PRKX: variants seen among roughly 807,000 people sequenced by gnomAD.
PRKX encodes the protein protein kinase cAMP-dependent X-linked catalytic subunit.
PRKX carries 12 observed loss-of-function variants against 22.0 expected under a neutral mutation model. The ratio of observed to expected loss-of-function variants is 0.54; its 90% CI spans 0.35 to 0.88. The LOEUF is 0.88. Ranked by LOEUF, PRKX falls within the 40% of genes least tolerant of loss-of-function variation. PRKX has a pLI of 0.01. For synonymous variants in PRKX, 134 were observed against 137.7 expected (o/e 0.97, Z 0.19); for missense variants, 217 against 308.0 (o/e 0.70, Z 2.21).
Position 3,713,575 on chromosome X carries a change from T to G in PRKX, c.-322A>C. ...GGGGGCGAGGCGGGGGCCCTGCGCA[T>G]TCCGGGTCTCGCGCCCGCCGCCTCC... On this transcript the variant is annotated 5_prime_UTR_variant, in exon 1 of 9. The change abolishes an upstream ATG in the 5' untranslated region. Coordinates refer to ENST00000262848, the MANE Select transcript of PRKX (RefSeq NM_005044.5). 21 of 156,665 alleles carry G rather than the reference T, an allele frequency of 1.3e-4. No individual in the cohort carries two copies. Among genetic ancestry groups the G allele is most frequent in the East Asian group, 5.6e-4 (4 of 7,202 alleles). The allele number at this position is 156,665 out of a possible 1,213,427, so 12.9% of individuals were successfully genotyped here. A position where few individuals can be genotyped will look rare whatever the true frequency, so the allele number is the denominator to read the frequency against.
intron 2 of PRKX, among the ~76,000 whole-genome samples, chrX:3,667,045 A>G (rs1392411396): frequency 9.0e-6 from 1 of 111,438 alleles, no homozygotes; most frequent in Non-Finnish European, 1.9e-5. Context: ...GAACGGGGGG[A>G]AAGTCAACAT....
intron 4 of PRKX, among the ~76,000 whole-genome samples, chrX:3,638,661 A>G (rs1926947831): frequency 8.9e-6 from 1 of 111,790 alleles, no homozygotes; most frequent in African/African-American, 3.3e-5. Flanking sequence ...CAAAAGACCA[A>G]CAGGCCGGTA....
chrX:3,610,431 G>A (rs1285589686), intron 8 of PRKX, among the ~76,000 whole-genome samples: 1 of 111,195 alleles, frequency 9.0e-6, no homozygotes, highest in Non-Finnish European at 1.9e-5. Flanking sequence ...GCAGTGAGCT[G>A]AGATCGCACC....
chrX:3,706,187 T>C, intron 1 of PRKX, among the ~76,000 whole-genome samples: 1 of 110,365 alleles, frequency 9.1e-6, no homozygotes, highest in Non-Finnish European at 1.9e-5. Context: ...TCTCCCTTGA[T>C]ACTTTCTTTA....
intron 3 of PRKX, among the ~76,000 whole-genome samples, chrX:3,645,690 T>C (rs1927173918): frequency 1.8e-5 from 2 of 112,371 alleles, no homozygotes; most frequent in South Asian, 7.4e-4. Context: ...CTCAACGCTT[T>C]GGGAGGCCAA....
chrX:3,640,802 A>G (rs913766343), intron 4 of PRKX, among the ~76,000 whole-genome samples: 2 of 112,034 alleles, frequency 1.8e-5, no homozygotes, highest in Non-Finnish European at 3.8e-5. Context: ...CTGATAAAAC[A>G]GACTGCAGTA....
intron 5 of PRKX, 72 bp from the exon 6 acceptor site, chrX:3,621,388 G>T: frequency 1.1e-6 from 1 of 932,175 alleles, no homozygotes; most frequent in Non-Finnish European, 1.5e-6. Context: ...ACGCAGCATG[G>T]CAACAGAGAT....
rs1191491294 is a variant in PRKX, at chrX:3,619,377, G to C, written c.873+1882C>G. Among the ~76,000 whole-genome samples, 6 of 109,100 alleles carry C rather than the reference G, an allele frequency of 5.5e-5. No homozygotes were observed. The East Asian group carries it at 1.8e-3, about 33-fold the overall frequency. 94.7% of individuals were successfully genotyped at this position (109,100 alleles called of 115,157 possible). A position where few individuals can be genotyped will look rare whatever the true frequency, so the allele number is the denominator to read the frequency against. ...AAGCAGACACAATTATCACACATTG[G>C]GCAGTGGCCCTCAAAATATATGCCC... On this transcript the variant is annotated intron_variant, in intron 6 of 8. Transcript: ENST00000262848.
At chrX:3,651,975 G>A (rs1348748241) in intron 3 of PRKX, among the ~76,000 whole-genome samples, 4 of 111,572 alleles carry the variant, frequency 3.6e-5, no homozygotes, top group Admixed American at 9.6e-5. Flanking sequence ...CAGCTTGGGC[G>A]TGTGAATTTA....
At chrX:3,653,695 ATG>A (rs1202906856) in intron 3 of PRKX, among the ~76,000 whole-genome samples, 1 of 67,162 alleles carries the variant, frequency 1.5e-5, no homozygotes, top group Non-Finnish European at 2.6e-5. Flanking sequence ...ATAATATACT[ATG>A]TGATATATAT....
intron 4 of PRKX, among the ~76,000 whole-genome samples, chrX:3,629,534 A>G (rs1276186414): frequency 1.8e-5 from 2 of 110,796 alleles, no homozygotes; most frequent in African/African-American, 6.6e-5. Context: ...ATGGGACTAC[A>G]GATGTGAGCC....
At chrX:3,689,724 T>C (rs1928264364) in intron 1 of PRKX, among the ~76,000 whole-genome samples, 1 of 111,758 alleles carries the variant, frequency 8.9e-6, no homozygotes, top group Non-Finnish European at 1.9e-5. Context: ...ACACCTGTAA[T>C]CCCAACACTT....
intron 5 of PRKX, 66 bp from the exon 6 acceptor site, chrX:3,621,382 A>G: frequency 2.0e-6 from 2 of 976,444 alleles, no homozygotes; most frequent in Non-Finnish European, 1.4e-6. Flanking sequence ...CAGCAAACGC[A>G]GCATGGCAAC....
At chrX:3,657,181 AATGAAT>A (rs1265558203) in intron 2 of PRKX, among the ~76,000 whole-genome samples, 2 of 112,361 alleles carry the variant, frequency 1.8e-5, no homozygotes, top group African/African-American at 6.5e-5. Flanking sequence ...TCTTGGGATG[AATGAAT>A]AGTAAATATC....
chrX:3,640,361 G>T (rs753740581), intron 4 of PRKX, among the ~76,000 whole-genome samples: 1 of 111,390 alleles, frequency 9.0e-6, no homozygotes, highest in East Asian at 2.8e-4. Context: ...CTGACACGTA[G>T]CTCACTCCTT....
intron 1 of PRKX, among the ~76,000 whole-genome samples, chrX:3,683,950 T>A (rs6641607): frequency 0.14 from 15,506 of 110,067 alleles, 933 homozygotes; most frequent in East Asian, 0.39. Context: ...CACATTTTCA[T>A]CCAAAAAAAA....
At chrX:3,665,921 T>TGG (rs1927714184) in intron 2 of PRKX, among the ~76,000 whole-genome samples, 1 of 94,667 alleles carries the variant, frequency 1.1e-5, no homozygotes, top group African/African-American at 3.9e-5. Context: ...GTTCTGGAGA[T>TGG]GGATGGGGAT....
intron 4 of PRKX, among the ~76,000 whole-genome samples, chrX:3,630,933 CG>C (rs1926768156): frequency 8.9e-6 from 1 of 111,809 alleles, no homozygotes; most frequent in East Asian, 2.8e-4. Context: ...CTTACATGTC[CG>C]TGGCACAAGT....
chrX:3,651,397 G>A (rs1212208201), intron 3 of PRKX, among the ~76,000 whole-genome samples: 1 of 112,054 alleles, frequency 8.9e-6, no homozygotes, highest in Non-Finnish European at 1.9e-5. Flanking sequence ...AATTAGACTT[G>A]CAAATAAAAT....
Sources: allele counts gnomAD v4.1 joint callset (sites outside exome capture counted in the v4.1 genomes callset), GRCh38; gene constraint gnomAD v4.1.1; transcripts MANE v1.5; gene names NCBI Gene and HGNC (gene_info 2026-07-23, HGNC 2026-07-21).